Variants in OGDH observed in about 807,000 individuals in gnomAD.
The protein encoded by OGDH is oxoglutarate dehydrogenase.
A neutral mutation model predicts 116.6 loss-of-function variants in OGDH; 38 were observed. The ratio of observed to expected loss-of-function variants is 0.33; its 90% confidence interval spans 0.25 to 0.43. OGDH has a LOEUF of 0.43. OGDH is among the 20% of genes least tolerant of loss of function. OGDH has a pLI of 1.00. For synonymous variants in OGDH, 488 were observed against 533.3 expected (o/e 0.92, Z 1.17); for missense variants, 825 against 1,357.2 (o/e 0.61, Z 6.16).
chr7:44,687,091 A>ATTTTT (rs59074567), intron 10 of OGDH, among the ~76,000 whole-genome samples: 13 of 95,534 alleles, frequency 1.4e-4, no homozygotes, highest in African/African-American at 3.0e-4. Context: ...ATTTTTTTTA[A>ATTTTT]TTTTTTTTTT....
chr7:44,655,061 G>A (rs902197002), intron 4 of OGDH, among the ~76,000 whole-genome samples: 1 of 152,144 alleles, frequency 6.6e-6, no homozygotes, highest in Non-Finnish European at 1.5e-5. Context: ...AGATAAAAGA[G>A]CATTCACATA....
chr7:44,702,103 A>C (rs1788859221), intron 20 of OGDH, among the ~76,000 whole-genome samples: 1 of 151,810 alleles, frequency 6.6e-6, no homozygotes, highest in South Asian at 2.1e-4. Context: ...ATGATACCAG[A>C]TGAGGGAGGT....
At chr7:44,699,995 C>A (rs553014463) in intron 18 of OGDH, 146 bp from the exon 19 acceptor site, 1 of 858,740 alleles carries the variant, frequency 1.2e-6, no homozygotes, top group African/African-American at 1.7e-5. Context: ...TCCCACCAGG[C>A]CCCACCTCCA....
intron 2 of OGDH, among the ~76,000 whole-genome samples, chr7:44,627,309 C>T (rs573830865): frequency 6.6e-6 from 1 of 152,292 alleles, no homozygotes; most frequent in South Asian, 2.1e-4. Flanking sequence ...GCATGTTTTT[C>T]AAGGGAGATA....
intron 9 of OGDH, among the ~76,000 whole-genome samples, chr7:44,677,555 A>G (rs1046367629): frequency 1.3e-5 from 2 of 152,194 alleles, no homozygotes; most frequent in Admixed American, 6.5e-5. Flanking sequence ...CCCTGGAAAG[A>G]AGTCAGGTCT....
At chr7:44,642,267 TA>T (rs1264139919) in intron 2 of OGDH, among the ~76,000 whole-genome samples, 1 of 151,904 alleles carries the variant, frequency 6.6e-6, no homozygotes, top group African/African-American at 2.4e-5. Context: ...AAATATTTAG[TA>T]AAAAAATTAG....
intron 5 of OGDH, among the ~76,000 whole-genome samples, chr7:44,672,644 GTT>G (rs539935339): frequency 5.2e-5 from 7 of 134,000 alleles, no homozygotes; most frequent in African/African-American, 1.1e-4. Context: ...TTTGTTTTTT[GTT>G]TTTTTTTTTT....
At chr7:44,687,515 A>G (rs1424573946) in intron 10 of OGDH, among the ~76,000 whole-genome samples, 1 of 152,136 alleles carries the variant, frequency 6.6e-6, no homozygotes, top group Non-Finnish European at 1.5e-5. Context: ...TCCGAGGCTC[A>G]AGCAATCCTC....
chr7:44,618,216 T>C (rs1784877757), intron 1 of OGDH, among the ~76,000 whole-genome samples: 1 of 152,232 alleles, frequency 6.6e-6, no homozygotes, highest in Admixed American at 6.5e-5. Flanking sequence ...CATTTTTTCT[T>C]ACACATTAAA....
intron 10 of OGDH, 113 bp downstream of exon 10, chr7:44,681,961 T>G: frequency 3.5e-6 from 5 of 1,411,154 alleles, no homozygotes; most frequent in Non-Finnish European, 4.8e-6. Flanking sequence ...CATCTGTTAT[T>G]AAAAACCAGG....
At chr7:44,699,382 G>A (rs962958285) in intron 18 of OGDH, among the ~76,000 whole-genome samples, 13 of 139,058 alleles carry the variant, frequency 9.3e-5, no homozygotes, top group Middle Eastern at 4.7e-3. Flanking sequence ...CCAAGATTGC[G>A]CCACTGCACT....
chr7:44,609,553 C>T (rs1585204012), intron 1 of OGDH, among the ~76,000 whole-genome samples: 1 of 151,420 alleles, frequency 6.6e-6, no homozygotes, highest in Admixed American at 6.6e-5. Flanking sequence ...TTATTGAAGC[C>T]GGGCTATTGG....
intron 4 of OGDH, among the ~76,000 whole-genome samples, chr7:44,650,401 G>A (rs1786385260): frequency 2.0e-5 from 3 of 152,158 alleles, no homozygotes. Flanking sequence ...GTGACCTTGG[G>A]CTAGTTGCTT....
intron 9 of OGDH, among the ~76,000 whole-genome samples, chr7:44,678,150 G>A (rs1340146949): frequency 1.3e-5 from 2 of 152,042 alleles, no homozygotes; most frequent in Non-Finnish European, 1.5e-5. Flanking sequence ...GATGCAAAGA[G>A]GCCTTAGCTC....
chr7:44,670,294 G>A (rs547702220), intron 5 of OGDH, among the ~76,000 whole-genome samples: 2 of 152,236 alleles, frequency 1.3e-5, no homozygotes, highest in East Asian at 1.9e-4. Flanking sequence ...GCACAGTTCT[G>A]CCAGCTCTGT....
chr7:44,692,229 G>C (rs1788395367), intron 10 of OGDH, among the ~76,000 whole-genome samples: 1 of 152,114 alleles, frequency 6.6e-6, no homozygotes, highest in African/African-American at 2.4e-5. Context: ...GCAACATTGT[G>C]TTTACCACAA....
At position 44,707,521 on chromosome 7, in the gene OGDH, T is replaced by A; in HGVS notation, c.2797-61T>A. On this transcript the variant is annotated intron_variant, in intron 21 of 22. Transcript: ENST00000222673. The surrounding 1 kb of genome is among the most constrained non-coding windows in gnomAD (Gnocchi z 5.2). ...CCTGCTCGGAACACCAGTTTCCCTTTGCTGGATCTTGCCTGCCCTCTGAGT... is the reference window on the plus strand; with the variant it reads ...CCTGCTCGGAACACCAGTTTCCCTTAGCTGGATCTTGCCTGCCCTCTGAGT... The A allele has an allele frequency of 6.2e-7, 1 of 1,604,062 alleles. No homozygotes were observed. Among genetic ancestry groups the A allele is most frequent in the Admixed American group, 1.7e-5 (1 of 59,394 alleles).
intron 2 of OGDH, among the ~76,000 whole-genome samples, chr7:44,637,717 G>A (rs528394690): frequency 6.6e-6 from 1 of 152,222 alleles, no homozygotes; most frequent in African/African-American, 2.4e-5. Flanking sequence ...GGCTGAGGCA[G>A]GAGAATCACT....
chr7:44,670,794 A>C (rs1787402284), intron 5 of OGDH, among the ~76,000 whole-genome samples: 1 of 151,996 alleles, frequency 6.6e-6, no homozygotes. Context: ...GCGAATCACG[A>C]GGTCAGGAGA....
Sources: gnomAD v4.1 joint callset for allele counts (sites outside exome capture counted in the v4.1 genomes callset) on GRCh38, gnomAD v4.1.1 for gene constraint, Gnocchi (gnomAD v3.1) non-coding constraint, MANE v1.5 for transcripts, NCBI Gene and HGNC (gene_info 2026-07-23, HGNC 2026-07-21) for gene names.